The following ECM2 variants were observed in gnomAD, a reference collection of about 807,000 sequenced individuals.
ECM2 encodes the protein extracellular matrix protein 2.
In ECM2, 57 loss-of-function variants were observed where a neutral mutation model predicts 67.5. The ratio of observed to expected loss-of-function variants is 0.84; its 90% CI spans 0.68 to 1.05. ECM2 has a LOEUF of 1.05. Among genes scored for constraint, ECM2 ranks in the 50% least tolerant of loss-of-function variants. The pLI is 0.00. For missense variants in ECM2, 741 were observed against 822.8 expected (o/e 0.90, Z 1.22); for synonymous variants, 258 against 294.5 (o/e 0.88, Z 1.27).
At chr9:92,552,218 C>CG in the ECM2 span, among the ~76,000 whole-genome samples, 7 of 150,090 alleles carry the variant, frequency 4.7e-5, no homozygotes, top group African/African-American at 1.7e-4. Flanking sequence ...CACACACACC[C>CG]CACAGTTTCT....
intron 1 of ECM2, among the ~76,000 whole-genome samples, chr9:92,530,713 C>G (rs923099858): frequency 1.3e-5 from 2 of 151,712 alleles, no homozygotes; most frequent in African/African-American, 4.8e-5. Flanking sequence ...TCTTTTTTGA[C>G]TTTTTAGATT....
At chr9:92,540,416 C>T (rs1849289916), upstream of ECM2, among the ~76,000 whole-genome samples, 1 of 143,086 alleles carries the variant, frequency 7.0e-6, no homozygotes, top group Non-Finnish European at 1.5e-5. Flanking sequence ...CCAGCCTGGA[C>T]GACAGAGCGA....
intron 1 of ECM2, among the ~76,000 whole-genome samples, chr9:92,530,334 T>C (rs186986361): frequency 1.3e-5 from 2 of 152,256 alleles, no homozygotes; most frequent in African/African-American, 4.8e-5. Flanking sequence ...TGTGAGATTT[T>C]GATAGTAGGG....
chr9:92,546,064 A>G, the ECM2 span, among the ~76,000 whole-genome samples: 3 of 151,544 alleles, frequency 2.0e-5, no homozygotes, highest in African/African-American at 4.9e-5. Context: ...AAATGCACCA[A>G]TCAGCACCCT....
chr9:92,543,581 T>TG, the ECM2 span, among the ~76,000 whole-genome samples: 1 of 151,750 alleles, frequency 6.6e-6, no homozygotes, highest in East Asian at 1.9e-4. Flanking sequence ...AGAATGACAT[T>TG]GAAAAAAAAA....
chr9:92,551,005 A>T, the ECM2 span, among the ~76,000 whole-genome samples: 57,382 of 152,018 alleles, frequency 0.38, 13,445 homozygotes, highest in African/African-American at 0.66. Flanking sequence ...CTTCAGGGTG[A>T]TAGAGCCAGG....
rs149467336 is a variant in ECM2 at position 92,526,580 on chromosome 9, T to C, written c.-27-3687A>G. On this transcript the variant is annotated intron_variant, in intron 1 of 9. Transcript: ENST00000344604. ...AGTGGAAAAAAAGAAATAATAAAGA[T>C]CAGAATAGAAACCAAAAAAACTATA... Among the ~76,000 whole-genome samples, 286 of 146,882 alleles carry C rather than the reference T, an allele frequency of 1.9e-3. 1 individual carries two copies. The highest frequency in any genetic ancestry group is 6.6e-3 in the African/African-American group (263 of 39,764).
intron 9 of ECM2, among the ~76,000 whole-genome samples, chr9:92,497,874 TAAAA>T (rs71362393): frequency 1.3e-4 from 18 of 134,874 alleles, no homozygotes; most frequent in Admixed American, 1.5e-4. Flanking sequence ...GCTGGTTGTT[TAAAA>T]AAAAAAAAAA....
At chr9:92,527,302 C>T (rs1232291333) in intron 1 of ECM2, among the ~76,000 whole-genome samples, 7 of 152,200 alleles carry the variant, frequency 4.6e-5, no homozygotes, top group Non-Finnish European at 7.3e-5. Context: ...TGAGCCCCCA[C>T]ACCTGGCTTT....
At chr9:92,536,887 A>ATTTT (rs1404394922), upstream of ECM2, among the ~76,000 whole-genome samples, 1 of 107,840 alleles carries the variant, frequency 9.3e-6, no homozygotes, top group Non-Finnish European at 1.9e-5. Flanking sequence ...TTTTTTTTTG[A>ATTTT]GACGGGAGTT....
the ECM2 span, among the ~76,000 whole-genome samples, chr9:92,546,439 G>A: frequency 2.0e-5 from 3 of 152,128 alleles, no homozygotes; most frequent in Non-Finnish European, 4.4e-5. Context: ...ACACTCATGG[G>A]GGAAGATCTG....
intron 3 of ECM2, 143 bp from the exon 4 acceptor site, chr9:92,515,346 C>G: frequency 8.4e-7 from 1 of 1,183,986 alleles, no homozygotes; most frequent in Non-Finnish European, 1.1e-6. Context: ...CCTTGAAATT[C>G]TTGCTTAAAA....
chr9:92,538,655 TG>T (rs1429953773), upstream of ECM2, among the ~76,000 whole-genome samples: 2 of 152,338 alleles, frequency 1.3e-5, no homozygotes, highest in African/African-American at 4.8e-5. Context: ...TGAGTCCTTT[TG>T]CAGAAACTAT....
intron 5 of ECM2, among the ~76,000 whole-genome samples, chr9:92,511,523 C>T (rs962622775): frequency 6.6e-6 from 1 of 151,920 alleles, no homozygotes; most frequent in African/African-American, 2.4e-5. Flanking sequence ...CTCTTCTTCC[C>T]CAAGCTATCC....
chr9:92,496,964 C>T (rs1358420112), intron 9 of ECM2, among the ~76,000 whole-genome samples: 4 of 151,174 alleles, frequency 2.6e-5, no homozygotes, highest in African/African-American at 7.3e-5. Flanking sequence ...AATCCAGAAG[C>T]TCATTAACAT....
At chr9:92,547,852 T>G in the ECM2 span, among the ~76,000 whole-genome samples, 1 of 152,228 alleles carries the variant, frequency 6.6e-6, no homozygotes, top group Admixed American at 6.5e-5. Context: ...GGTGAAATAC[T>G]GACAGTTTTC....
intron 1 of ECM2, among the ~76,000 whole-genome samples, chr9:92,527,700 G>A (rs896024508): frequency 1.3e-5 from 2 of 152,024 alleles, no homozygotes; most frequent in African/African-American, 4.8e-5. Context: ...CAAATGTTTA[G>A]GAAATGCAGG....
At position 92,509,981 on chromosome 9, in the gene ECM2, A is replaced by G. The variant is rs1288358905; in HGVS notation, c.1224T>C (p.Ile408=). The G allele has an allele frequency of 6.2e-7, 1 of 1,610,382 alleles. No individual in the cohort carries two copies. The highest frequency in any genetic ancestry group is 8.5e-7 in the Non-Finnish European group (1 of 1,179,246). Residue 408 remains isoleucine, a synonymous_variant, in exon 6 of 10, where the codon ATT becomes ATC. Coordinates refer to ENST00000344604, the MANE Select transcript of ECM2 (RefSeq NM_001393.4). ...CTAATGTAGATGGCAATTGTGAAGGAATCTGTATCAAATTATTTCCATCCA... is the reference window on the plus strand; with the variant it reads ...CTAATGTAGATGGCAATTGTGAAGGGATCTGTATCAAATTATTTCCATCCA... ...LNMDGNNLIQ[I]PSQLPSTLEE...
At chr9:92,518,610 A>G (rs1847875249) in intron 2 of ECM2, among the ~76,000 whole-genome samples, 1 of 152,180 alleles carries the variant, frequency 6.6e-6, no homozygotes, top group Non-Finnish European at 1.5e-5. Context: ...GAAGTGTATA[A>G]TACTGTCTGG....
Sources: gnomAD v4.1 joint callset for allele counts (sites outside exome capture counted in the v4.1 genomes callset) on GRCh38, gnomAD v4.1.1 for gene constraint, MANE v1.5 for transcripts, NCBI Gene and HGNC (gene_info 2026-07-23, HGNC 2026-07-21) for gene names.